Variants in CELF2 observed in about 807,000 individuals in gnomAD.
CELF2 encodes CUG triplet repeat RNA-binding protein 2.
CELF2 carries 8 observed loss-of-function variants against 62.6 expected under a neutral mutation model. That is an observed-to-expected ratio of 0.13 (90% confidence interval 0.07 to 0.23). The LOEUF (loss-of-function observed/expected upper bound fraction) is 0.23, where lower values mean the gene tolerates loss of function less well. Among genes scored for constraint, CELF2 ranks in the 10% least tolerant of loss-of-function variants. CELF2 has a pLI of 1.00. For synonymous variants in CELF2, 258 were observed against 250.0 expected, an observed-to-expected ratio of 1.03 and a Z score of -0.30; for missense variants, 333 against 671.0, an observed-to-expected ratio of 0.50 and a Z score of 5.56.
At chr10:10,660,940 G>A in the CELF2 span, among the ~76,000 whole-genome samples, 6 of 152,280 alleles carry the variant, frequency 3.9e-5, no homozygotes, top group East Asian at 3.9e-4. Flanking sequence ...CATCTGTGTC[G>A]GGGACTCTGA....
At position 11,285,525 on chromosome 10, in the gene CELF2, A is replaced by G. The variant is rs2090932772; in HGVS notation, c.842-2893A>G. Among the ~76,000 whole-genome samples, 1 of 152,210 alleles carries G rather than the reference A, an allele frequency of 6.6e-6. No homozygotes were observed. The highest frequency in any genetic ancestry group is 1.5e-5 in the Non-Finnish European group (1 of 68,032). On this transcript the variant is annotated intron_variant, in intron 8 of 12. Coordinates refer to ENST00000633077, the MANE Select transcript of CELF2 (RefSeq NM_001326342.2). The surrounding 1 kb of genome is among the most constrained non-coding windows in gnomAD (Gnocchi z 4.3). ...GATCCTAAAGGAGCGGGCAGTGGAG[A>G]GAACCTGAGTGCTGTCAGCTCAGTT...
chr10:11,265,794 T>A (rs1463436415), intron 5 of CELF2, among the ~76,000 whole-genome samples: 1 of 152,238 alleles, frequency 6.6e-6, no homozygotes, highest in Non-Finnish European at 1.5e-5. Context: ...TCCCAGCAGA[T>A]ATTCACAGAA....
At chr10:10,577,171 A>G in the CELF2 span, among the ~76,000 whole-genome samples, 2 of 152,156 alleles carry the variant, frequency 1.3e-5, no homozygotes, top group Admixed American at 6.5e-5. Flanking sequence ...AGAATATCTC[A>G]GGACACACAG....
In CELF2 at chr10:11,137,411, T is replaced by C. The variant is rs1316635511; in HGVS notation, c.75-28075T>C. The stretch of plus-strand genomic sequence containing the variant: ...TAAATTCCAGAGGGTGGAAGCCGTG[T>C]TAGTACAATGCTGTGGGTAAGAGCT... On this transcript the variant is annotated intron_variant, in intron 1 of 12. Coordinates refer to ENST00000633077, the MANE Select transcript of CELF2 (RefSeq NM_001326342.2). Among the ~76,000 whole-genome samples, 5 of 152,352 alleles carry C rather than the reference T, an allele frequency of 3.3e-5. No individual in the cohort carries two copies. The East Asian group carries it at 7.7e-4, about 23-fold the overall frequency.
At chr10:11,115,324 G>T (rs1474209166) in intron 1 of CELF2, among the ~76,000 whole-genome samples, 1 of 152,210 alleles carries the variant, frequency 6.6e-6, no homozygotes. Flanking sequence ...CCCAGCAGCT[G>T]CAAAGAACCT....
the CELF2 span, among the ~76,000 whole-genome samples, chr10:10,471,054 A>G: frequency 6.6e-6 from 1 of 151,546 alleles, no homozygotes; most frequent in African/African-American, 2.4e-5. Context: ...ATTCCCAGAT[A>G]CTTAGGGCCA....
the CELF2 span, among the ~76,000 whole-genome samples, chr10:10,592,481 A>C: frequency 6.6e-6 from 1 of 152,158 alleles, no homozygotes; most frequent in Admixed American, 6.5e-5. Flanking sequence ...CCATTCCTTC[A>C]TACTGTCAGC....
At chr10:10,506,269 C>CGTGTGTGTGTGTGTGT in the CELF2 span, among the ~76,000 whole-genome samples, 1,449 of 146,778 alleles carry the variant, frequency 9.9e-3, 12 homozygotes, top group African/African-American at 0.029. Context: ...AGATGCACTT[C>CGTGTGTGTGTGTGTGT]GTGTGTGTGT....
At chr10:10,524,386 C>T in the CELF2 span, among the ~76,000 whole-genome samples, 2 of 150,378 alleles carry the variant, frequency 1.3e-5, no homozygotes, top group African/African-American at 2.5e-5. Flanking sequence ...ATTCATAGAT[C>T]TTAAGGCTAC....
At chr10:10,961,333 A>C (rs1215600296) in intron 2 of CELF2, among the ~76,000 whole-genome samples, 1 of 152,220 alleles carries the variant, frequency 6.6e-6, no homozygotes, top group Non-Finnish European at 1.5e-5. Flanking sequence ...AAAACTAAAA[A>C]TGTATTGTGA....
intron 12 of CELF2, among the ~76,000 whole-genome samples, chr10:11,327,593 C>T (rs1046448424): frequency 6.6e-6 from 1 of 152,194 alleles, no homozygotes; most frequent in African/African-American, 2.4e-5. Flanking sequence ...TCCATCTCAC[C>T]TTTGTCCATT....
chr10:10,879,051 G>A lies in CELF2; in HGVS notation c.54-40913G>A, dbSNP rs181096193. Among the ~76,000 whole-genome samples, 68 of 152,210 alleles carry A rather than the reference G, an allele frequency of 4.5e-4. No individual in the cohort carries two copies. In the East Asian group the frequency reaches 0.012, roughly 27 times the overall value. ...CACAAGGGGCCATTAATTACCTGTC[G>A]CTTTGTATCCAGGAGAATAACTGGG... On this transcript the variant is annotated intron_variant, in intron 1 of 13. Transcript: ENST00000636488.
At chr10:11,107,576 A>G (rs942335737) in intron 1 of CELF2, among the ~76,000 whole-genome samples, 1 of 151,984 alleles carries the variant, frequency 6.6e-6, no homozygotes, top group African/African-American at 2.4e-5. Context: ...ATTGAATACT[A>G]TGCTATATTT....
chr10:10,852,605 T>C (rs2059452883), intron 1 of CELF2, among the ~76,000 whole-genome samples: 2 of 152,124 alleles, frequency 1.3e-5, no homozygotes. Flanking sequence ...ACTGAAAGCA[T>C]ACAAAACTGG....
chr10:10,532,055 G>A, the CELF2 span, among the ~76,000 whole-genome samples: 2 of 152,222 alleles, frequency 1.3e-5, no homozygotes, highest in Non-Finnish European at 2.9e-5. Context: ...AGAATTTTAA[G>A]CCTCAAGTAT....
chr10:11,288,232 A>C (rs890893072), intron 8 of CELF2, among the ~76,000 whole-genome samples, 186 bp from the exon 9 acceptor site: 1 of 152,244 alleles, frequency 6.6e-6, no homozygotes, highest in African/African-American at 2.4e-5. Flanking sequence ...TGCATCAGAG[A>C]GAACTGAAGG....
chr10:11,323,998 T>TG (rs1401150332), intron 11 of CELF2, among the ~76,000 whole-genome samples: 1 of 151,868 alleles, frequency 6.6e-6, no homozygotes, highest in East Asian at 1.9e-4. Context: ...ATGGAAAAAT[T>TG]GGGGGATCTA....
intron 1 of CELF2, among the ~76,000 whole-genome samples, chr10:10,827,504 G>A (rs2057489526): frequency 1.3e-5 from 2 of 152,170 alleles, no homozygotes; most frequent in African/African-American, 2.4e-5. Flanking sequence ...AGCGAAACAG[G>A]ATTCATCCAC....
chr10:10,764,042 T>A, the CELF2 span, among the ~76,000 whole-genome samples: 1 of 152,244 alleles, frequency 6.6e-6, no homozygotes. Flanking sequence ...CGTTCCACGC[T>A]TTTGGTGTTC....
Sources: allele counts gnomAD v4.1 joint callset (sites outside exome capture counted in the v4.1 genomes callset), GRCh38; gene constraint gnomAD v4.1.1; non-coding constraint Gnocchi (gnomAD v3.1); transcripts MANE v1.5; gene names NCBI Gene and HGNC (gene_info 2026-07-23, HGNC 2026-07-21).